HDAC9: variants seen among roughly 807,000 people sequenced by gnomAD.
HDAC9 encodes histone deacetylase 9.
A neutral mutation model predicts 139.4 loss-of-function variants in HDAC9; 41 were observed. The observed-to-expected ratio is 0.29, with a 90% CI of 0.23 to 0.38. The LOEUF (loss-of-function observed/expected upper bound fraction) is 0.38. HDAC9 is among the 10% of genes least tolerant of loss of function. The pLI is 1.00. For synonymous variants in HDAC9, 517 were observed against 476.2 expected (o/e 1.09, Z -1.12); for missense variants, 1,147 against 1,297.0 (o/e 0.88, Z 1.78).
At chr7:18,667,463 A>G in intron 12 of HDAC9, 5 of 984,558 alleles carry the variant, frequency 5.1e-6, no homozygotes, top group Non-Finnish European at 6.0e-6. Flanking sequence ...TAACAATTAG[A>G]AAAGATAGGT....
intron 1 of HDAC9, among the ~76,000 whole-genome samples, chr7:18,307,968 A>G (rs148486895): frequency 2.6e-5 from 4 of 152,332 alleles, no homozygotes; most frequent in South Asian, 2.1e-4. Flanking sequence ...GACTAGATAT[A>G]CTTTCCAGGA....
intron 25 of HDAC9, among the ~76,000 whole-genome samples, chr7:18,991,641 G>GAA (rs1270525942): frequency 0.016 from 1,519 of 95,748 alleles, 17 homozygotes; most frequent in African/African-American, 0.05. Context: ...CGTCTCAAAA[G>GAA]AAAAAAAAAA....
At chr7:18,799,769 G>A (rs796377561) in intron 17 of HDAC9, among the ~76,000 whole-genome samples, 2 of 152,230 alleles carry the variant, frequency 1.3e-5, no homozygotes, top group South Asian at 2.1e-4. Context: ...AGTTTCAAAG[G>A]TCTGTAGGAC....
intron 21 of HDAC9, among the ~76,000 whole-genome samples, chr7:18,873,350 G>T (rs1799075581): frequency 6.6e-6 from 1 of 152,030 alleles, no homozygotes; most frequent in African/African-American, 2.4e-5. Flanking sequence ...TGAACTTGAA[G>T]GATAGAATTT....
chr7:18,920,645 C>G (rs1367346493), intron 22 of HDAC9, among the ~76,000 whole-genome samples: 1 of 152,028 alleles, frequency 6.6e-6, no homozygotes, highest in South Asian at 2.1e-4. Flanking sequence ...ATAGATAGCT[C>G]TTATTATTTT....
At chr7:18,711,652 A>G (rs1225635432) in intron 12 of HDAC9, among the ~76,000 whole-genome samples, 2 of 152,174 alleles carry the variant, frequency 1.3e-5, no homozygotes, top group African/African-American at 2.4e-5. Flanking sequence ...AAACTTTACA[A>G]TCCTCAGAGT....
intron 17 of HDAC9, among the ~76,000 whole-genome samples, chr7:18,823,155 C>G (rs1398406795): frequency 6.6e-6 from 1 of 152,070 alleles, no homozygotes; most frequent in African/African-American, 2.4e-5. Flanking sequence ...ACTGTTCTCA[C>G]ATAGGATCAG....
chr7:18,662,391 G>C (rs1440921983), intron 11 of HDAC9, among the ~76,000 whole-genome samples: 1 of 151,952 alleles, frequency 6.6e-6, no homozygotes. Context: ...ATTGTGAAGG[G>C]AGGTATGTAA....
Position 18,749,048 on chromosome 7 carries a change from T to C in HDAC9, c.1953T>C (p.Cys651=), listed in dbSNP as rs768301104. 3.7e-5 allele frequency: 59 copies of C among 1,613,528 alleles called. No individual in the cohort carries two copies. Among genetic ancestry groups the C allele is most frequent in the Non-Finnish European group, 9.3e-6 (11 of 1,179,734 alleles). Residue 651 remains cysteine, a synonymous_variant, in exon 14 of 26, where the codon TGT becomes TGC. Coordinates refer to ENST00000686413, the MANE Select transcript of HDAC9 (RefSeq NM_178425.4). ...TGATGCTGAAACACCAGTGCGTTTG[T>C]GGCAATTCCACCACCCACCCTGAGC... ...DPLMLKHQCV[C]GNSTTHPEHA... is the part of the protein sequence containing the mutation.
At chr7:18,290,667 C>G (rs1797748834) in intron 1 of HDAC9, among the ~76,000 whole-genome samples, 1 of 152,124 alleles carries the variant, frequency 6.6e-6, no homozygotes, top group African/African-American at 2.4e-5. Context: ...GTTTTCCAAT[C>G]AGTAACAGTA....
chr7:18,089,395 A>G lies in HDAC9; in HGVS notation c.-97+2182A>G, dbSNP rs117021347. On this transcript the variant is annotated intron_variant, in intron 1 of 12. Transcript: ENST00000417496. ...AAGGTAATTTTATACATGCTTATAG[A>G]TTTTTGTGATTGTTTGGTGACCAAA... Among the ~76,000 whole-genome samples the G allele has an allele frequency of 9.3e-3, 1,412 of 152,210 alleles. 8 individuals carry two copies. The highest frequency in any genetic ancestry group is 0.041 in the Middle Eastern group (12 of 294).
At chr7:18,595,542 G>A (rs1832233286) in intron 6 of HDAC9, among the ~76,000 whole-genome samples, 1 of 152,018 alleles carries the variant, frequency 6.6e-6, no homozygotes. Flanking sequence ...AGATTATGCA[G>A]ATACTACCCC....
At chr7:18,129,749 T>G (rs1784889529) in intron 1 of HDAC9, among the ~76,000 whole-genome samples, 1 of 152,188 alleles carries the variant, frequency 6.6e-6, no homozygotes, top group Non-Finnish European at 1.5e-5. Context: ...CTCTGAATTG[T>G]GCTAGGCACA....
At chr7:18,213,119 A>G (rs1370113166) in intron 2 of HDAC9, among the ~76,000 whole-genome samples, 1 of 152,192 alleles carries the variant, frequency 6.6e-6, no homozygotes, top group African/African-American at 2.4e-5. Context: ...ACCCAGTAAA[A>G]TGTTAATTTA....
At chr7:18,638,644 A>T (rs1200869284) in intron 8 of HDAC9, among the ~76,000 whole-genome samples, 2 of 151,976 alleles carry the variant, frequency 1.3e-5, no homozygotes, top group Admixed American at 1.3e-4. Flanking sequence ...GTTCGGAACA[A>T]GTTCATTTTT....
chr7:18,182,648 A>C (rs1444593501), intron 2 of HDAC9, among the ~76,000 whole-genome samples: 3 of 152,222 alleles, frequency 2.0e-5, no homozygotes, highest in African/African-American at 7.2e-5. Flanking sequence ...ATCCCATTTT[A>C]CAGACGGGAA....
At chr7:18,661,948 G>A (rs1793311299) in intron 11 of HDAC9, among the ~76,000 whole-genome samples, 1 of 152,146 alleles carries the variant, frequency 6.6e-6, no homozygotes, top group African/African-American at 2.4e-5. Context: ...TTAATGGACT[G>A]AACAATGTGA....
At chr7:18,368,722 A>T (rs1406193121) in intron 1 of HDAC9, among the ~76,000 whole-genome samples, 2 of 152,022 alleles carry the variant, frequency 1.3e-5, no homozygotes, top group Non-Finnish European at 2.9e-5. Context: ...AAGAAGGAAC[A>T]ACATGTCCAG....
intron 2 of HDAC9, among the ~76,000 whole-genome samples, chr7:18,165,147 A>G (rs1037558956): frequency 2.6e-5 from 4 of 152,178 alleles, no homozygotes; most frequent in Non-Finnish European, 5.9e-5. Context: ...AGAATTGCCA[A>G]ATCTCAGAAG....
Sources: allele counts gnomAD v4.1 joint callset (sites outside exome capture counted in the v4.1 genomes callset), GRCh38; gene constraint gnomAD v4.1.1; transcripts MANE v1.5; gene names NCBI Gene and HGNC (gene_info 2026-07-23, HGNC 2026-07-21).